The following POM121C variants were observed in gnomAD, a reference collection of about 807,000 sequenced individuals.
The protein encoded by POM121C is nuclear envelope pore membrane protein POM 121C.
POM121C carries 20 observed loss-of-function variants against 66.4 expected under a neutral mutation model. The ratio of observed to expected loss-of-function variants is 0.30; its 90% confidence interval spans 0.21 to 0.44. The LOEUF (loss-of-function observed/expected upper bound fraction) is 0.44, where lower values mean the gene tolerates loss of function less well. POM121C is among the 20% of genes least tolerant of loss of function. The pLI, the probability that POM121C is intolerant of heterozygous loss-of-function variation, is 1.00. For synonymous variants in POM121C, 286 were observed against 528.0 expected, an observed-to-expected ratio of 0.54 and a Z score of 6.28; for missense variants, 580 against 1,225.7, an observed-to-expected ratio of 0.47 and a Z score of 7.87.
Position 75,422,020 on chromosome 7 carries a change from G to A in POM121C, c.2232C>T (p.Pro744=). ...TGATCGTGGACGCAGGTGCAGGTGT[G>A]GGTGCAGTAGCCGGGGCCGGGGCTG... ...NSAAPAPATA[P]TPAPASTIKI... is the part of the protein sequence containing the mutation. Residue 744 remains proline (P), a synonymous_variant, in exon 13 of 15, where the codon CCC becomes CCT. Transcript: ENST00000615331. 1.2e-6 allele frequency: 2 copies of A among 1,613,670 alleles called. No individual in the cohort carries two copies. Among genetic ancestry groups the A allele is most frequent in the Non-Finnish European group, 1.7e-6 (2 of 1,179,704 alleles).
At chr7:75,472,036 C>A (rs1791899487) in intron 3 of POM121C, among the ~76,000 whole-genome samples, 1 of 151,888 alleles carries the variant, frequency 6.6e-6, no homozygotes, top group Non-Finnish European at 1.5e-5. Context: ...CAGGCGCCCA[C>A]CACCACGCCC....
chr7:75,468,802 G>A (rs1366653909), intron 3 of POM121C, among the ~76,000 whole-genome samples: 1 of 152,068 alleles, frequency 6.6e-6, no homozygotes. Context: ...CGGGAGGATC[G>A]CTTGAGCCCA....
intron 7 of POM121C, among the ~76,000 whole-genome samples, chr7:75,431,977 C>A (rs1216977229): frequency 9.2e-5 from 14 of 151,794 alleles, no homozygotes; most frequent in African/African-American, 3.4e-4. Flanking sequence ...GTTAGGAGTT[C>A]GAGACCAGAC....
intron 7 of POM121C, among the ~76,000 whole-genome samples, chr7:75,430,867 G>A (rs182913141): frequency 3.9e-5 from 6 of 152,114 alleles, no homozygotes; most frequent in Non-Finnish European, 7.4e-5. Flanking sequence ...ATGAGGTCAG[G>A]AGATTGAGAC....
chr7:75,442,085 A>G (rs1352069368), intron 3 of POM121C: 4 of 1,361,256 alleles, frequency 2.9e-6, no homozygotes, highest in African/African-American at 1.5e-5. Flanking sequence ...TTAAAAGTCA[A>G]GTCCTCGATT....
At chr7:75,472,030 C>A (rs1410435192) in intron 3 of POM121C, among the ~76,000 whole-genome samples, 1 of 151,762 alleles carries the variant, frequency 6.6e-6, no homozygotes, top group African/African-American at 2.4e-5. Flanking sequence ...GGACTGCAGG[C>A]GCCCACCACC....
At position 75,441,453 on chromosome 7, in the gene POM121C, C is replaced by A; in HGVS notation, c.44G>T (p.Arg15Ile). ...PVTVRIAPPD[R>I]RFSRSAIPEQ... The stretch of plus-strand genomic sequence containing the variant: ...TCACATCGCAGAACGTGAAAATCTT[C>A]TGTCAGGAGGGGCGATCCTCACAGT... Residue 15 changes from arginine (R) to isoleucine (I), a missense_variant, in exon 4 of 15, where the codon AGA (arginine) becomes ATA (isoleucine). Physicochemically the swap from Arg to Ile is moderately conservative, Grantham distance 97. Coordinates refer to ENST00000615331, the MANE Select transcript of POM121C (RefSeq NM_001099415.3). 2 of 1,613,962 alleles carry A rather than the reference C, an allele frequency of 1.2e-6. No individual in the cohort carries two copies. The highest frequency in any genetic ancestry group is 1.7e-6 in the Non-Finnish European group (2 of 1,179,866).
At chr7:75,433,264 TGTACA>T (rs1467405180) in intron 7 of POM121C, among the ~76,000 whole-genome samples, 5 of 127,114 alleles carry the variant, frequency 3.9e-5, no homozygotes, top group African/African-American at 5.5e-5. Flanking sequence ...AAAAAAAGAA[TGTACA>T]GTAAAAATTT....
intron 4 of POM121C, 104 bp downstream of exon 4, chr7:75,441,328 T>C (rs1286514835): frequency 7.1e-7 from 1 of 1,415,396 alleles, no homozygotes; most frequent in African/African-American, 1.5e-5. Flanking sequence ...ACAAGCAGAT[T>C]CGTCCTTTCT....
intron 3 of POM121C, among the ~76,000 whole-genome samples, chr7:75,473,498 G>A (rs1219079534): frequency 6.6e-6 from 1 of 152,134 alleles, no homozygotes; most frequent in African/African-American, 2.4e-5. Context: ...GGAAAGAGGG[G>A]AAAGCTGAGG....
At position 75,447,000 on chromosome 7, in the gene POM121C, TC is replaced by T. The variant is rs1217800421; in HGVS notation, c.-151-5354del. On this transcript the variant is annotated intron_variant, in intron 3 of 14. Coordinates refer to ENST00000615331, the MANE Select transcript of POM121C (RefSeq NM_001099415.3). ...TCCAGCCTGGGCAACAGAGCGAGAC[TC>T]CGTCTCAAAAAAAAAAAAAAAAAAA... is the stretch of plus-strand genomic sequence containing the variant. 3.8e-5 allele frequency among the ~76,000 whole-genome samples: 3 copies of T among 78,908 alleles called. No individual in the cohort carries two copies. In the East Asian group the frequency reaches 1.3e-3, roughly 34 times the overall value. 51.8% of individuals were successfully genotyped at this position (78,908 alleles called of 152,430 possible).
chr7:75,447,553 C>T (rs1261268666), intron 3 of POM121C, among the ~76,000 whole-genome samples: 1 of 151,356 alleles, frequency 6.6e-6, no homozygotes, highest in Non-Finnish European at 1.5e-5. Context: ...AAGGCAAAAA[C>T]TGCAAACCTA....
intron 3 of POM121C, among the ~76,000 whole-genome samples, chr7:75,447,866 A>G (rs1298516149): frequency 1.3e-5 from 2 of 152,110 alleles, no homozygotes. Context: ...TACTAAAAAT[A>G]CAAAAAAATT....
At chr7:75,447,685 G>A (rs1790870637) in intron 3 of POM121C, among the ~76,000 whole-genome samples, 2 of 151,778 alleles carry the variant, frequency 1.3e-5, no homozygotes, top group East Asian at 1.9e-4. Context: ...CCCAGAGTTC[G>A]AGAACAGCCT....
intron 3 of POM121C, among the ~76,000 whole-genome samples, chr7:75,463,640 G>T (rs1791524640): frequency 6.6e-6 from 1 of 151,768 alleles, no homozygotes; most frequent in African/African-American, 2.4e-5. Flanking sequence ...CAAACCCAGG[G>T]GTGGTGGGGA....
Position 75,441,637 on chromosome 7 carries a change from T to A in POM121C, c.-141A>T, listed in dbSNP as rs587662934. On this transcript the variant is annotated 5_prime_UTR_variant, in exon 4 of 15. Transcript: ENST00000615331. The stretch of plus-strand genomic sequence containing the variant: ...GTTATTACAAACCGATCTGGTAAAG[T>A]CCCACGATCCCTGCAGAGAATGCGA... The A allele has an allele frequency of 3.5e-4, 547 of 1,554,332 alleles. 3 individuals are homozygous for A. The South Asian group carries it at 5.7e-3, about 16-fold the overall frequency.
In POM121C at chr7:75,419,380, T is replaced by C. The variant is rs1563135312; in HGVS notation, c.2806A>G (p.Ser936Gly). 1.9e-6 allele frequency: 3 copies of C among 1,613,808 alleles called. No individual in the cohort carries two copies. Among genetic ancestry groups the C allele is most frequent in the East Asian group, 2.2e-5 (1 of 44,878 alleles). ...PAPGVGTSGS[S>G]LSFGASSAPA... is the part of the protein sequence containing the mutation. ...GCTGAAGATGCCCCAAAGGAGAGGC[T>C]GCTGCCCGATGTGCCCACTCCAGGC... Residue 936 changes from serine to glycine, a missense_variant, in exon 14 of 15, where the codon AGC becomes GGC. Transcript: ENST00000615331.
intron 11 of POM121C, 55 bp from the exon 12 acceptor site, chr7:75,424,280 A>G (rs1165998247): frequency 6.3e-6 from 10 of 1,594,060 alleles, no homozygotes; most frequent in Non-Finnish European, 8.6e-6. Flanking sequence ...TTCTTTCCAC[A>G]TGCCTGTCGG....
At chr7:75,450,224 A>G (rs1211172816) in intron 3 of POM121C, among the ~76,000 whole-genome samples, 1 of 152,126 alleles carries the variant, frequency 6.6e-6, no homozygotes, top group African/African-American at 2.4e-5. Flanking sequence ...GCATTTTGCT[A>G]TGGTAGCCCG....
Sources: gnomAD v4.1 joint callset for allele counts (sites outside exome capture counted in the v4.1 genomes callset) on GRCh38, gnomAD v4.1.1 for gene constraint, MANE v1.5 for transcripts, NCBI Gene and HGNC (gene_info 2026-07-23, HGNC 2026-07-21) for gene names.